APBB2: variants seen among roughly 807,000 people sequenced by gnomAD.
The protein encoded by APBB2 is amyloid beta precursor protein binding family B member 2, also known as Fe65-like 1.
Under a neutral mutation model 82.5 loss-of-function variants are expected in APBB2, and 38 were observed. The observed-to-expected ratio is 0.46, with a 90% confidence interval of 0.36 to 0.60. APBB2 has a LOEUF of 0.60. APBB2 is among the 20% of genes least tolerant of loss of function. The probability of loss-of-function intolerance (pLI) is 0.00; values close to 1 mark genes in which losing one functional copy is unlikely to be tolerated. For missense variants in APBB2, 772 were observed against 972.3 expected (o/e 0.79, Z 2.74); for synonymous variants, 341 against 368.2 (o/e 0.93, Z 0.85).
At chr4:40,852,010 T>C (rs1419408675) in intron 12 of APBB2, among the ~76,000 whole-genome samples, 2 of 152,076 alleles carry the variant, frequency 1.3e-5, no homozygotes, top group Non-Finnish European at 2.9e-5. Flanking sequence ...TTTATATTTA[T>C]GAGAGAGTAT....
At chr4:41,148,016 C>T (rs1056544372) in intron 1 of APBB2, among the ~76,000 whole-genome samples, 5 of 151,992 alleles carry the variant, frequency 3.3e-5, no homozygotes, top group African/African-American at 7.3e-5. Flanking sequence ...GATAAATTTA[C>T]AGGTTAAAAT....
chr4:41,170,898 AG>A lies in APBB2; in HGVS notation c.-416-27757del, dbSNP rs1287859833. Among the ~76,000 whole-genome samples the A allele has an allele frequency of 2.6e-5, 4 of 152,356 alleles. No homozygotes were observed. In the East Asian group the frequency reaches 7.7e-4, roughly 29 times the overall value. ...CAAAATGAAAAATTGAAAACTATAA[AG>A]AAGTTAAAATAAGGAAGGGTATGGA... On this transcript the variant is annotated intron_variant, in intron 1 of 17. Coordinates refer to ENST00000508593, the MANE Select transcript of APBB2 (RefSeq NM_004307.2).
intron 1 of APBB2, among the ~76,000 whole-genome samples, chr4:41,166,361 G>A (rs1439354859): frequency 2.6e-5 from 4 of 151,124 alleles, no homozygotes; most frequent in African/African-American, 4.9e-5. Flanking sequence ...GTATTCTATG[G>A]GCAAAAAAAT....
At chr4:41,043,983 T>C (rs1408786026) in intron 4 of APBB2, among the ~76,000 whole-genome samples, 1 of 152,202 alleles carries the variant, frequency 6.6e-6, no homozygotes, top group Non-Finnish European at 1.5e-5. Context: ...CAGATTGAAA[T>C]TCAGTCTGTG....
At chr4:40,971,340 T>C (rs891835624) in intron 6 of APBB2, among the ~76,000 whole-genome samples, 1 of 152,194 alleles carries the variant, frequency 6.6e-6, no homozygotes, top group Non-Finnish European at 1.5e-5. Flanking sequence ...AGTAATTTCC[T>C]CCATTACTTT....
At chr4:40,901,909 A>ATGTGTGTG (rs35766512) in intron 10 of APBB2, among the ~76,000 whole-genome samples, 45 of 145,436 alleles carry the variant, frequency 3.1e-4, no homozygotes, top group Middle Eastern at 6.6e-3. Context: ...ATCCAAAATT[A>ATGTGTGTG]TGTGTGTGTG....
intron 1 of APBB2, among the ~76,000 whole-genome samples, chr4:41,189,537 G>A (rs1236795474): frequency 2.0e-5 from 3 of 152,152 alleles, no homozygotes; most frequent in Non-Finnish European, 4.4e-5. Flanking sequence ...GCATTACAGT[G>A]ACAGTAAATC....
In APBB2 at chr4:41,013,764, AGGGCTGGACTGG is replaced by A. The variant is rs1383376204; in HGVS notation, c.642_653del (p.Gln215_Pro218del). 6.2e-7 allele frequency: 1 copy of A among 1,614,024 alleles called. No homozygotes were observed. The highest frequency in any genetic ancestry group is 8.5e-7 in the Non-Finnish European group (1 of 1,180,020). On this transcript the variant is annotated inframe_deletion, in exon 6 of 18. Coordinates refer to ENST00000508593, the MANE Select transcript of APBB2 (RefSeq NM_004307.2). ...ACACTGTGGCTACTTGGCCGTCTTC[AGGGCTGGACTGG>A]GGTCTGTTTGGTTTCTGCAGCAGCA... is the stretch of plus-strand genomic sequence containing the variant.
chr4:40,942,743 G>A (rs973866211), intron 7 of APBB2, among the ~76,000 whole-genome samples: 1 of 152,088 alleles, frequency 6.6e-6, no homozygotes, highest in African/African-American at 2.4e-5. Flanking sequence ...GGGGTACGAT[G>A]CAGGCACAGA....
intron 12 of APBB2, among the ~76,000 whole-genome samples, chr4:40,858,606 G>A (rs1578024458): frequency 1.3e-5 from 2 of 152,160 alleles, no homozygotes; most frequent in South Asian, 4.1e-4. Flanking sequence ...TTTAACTATA[G>A]GTCTTGTTTG....
intron 2 of APBB2, among the ~76,000 whole-genome samples, chr4:41,138,932 T>C (rs930059843): frequency 3.3e-5 from 5 of 152,212 alleles, no homozygotes; most frequent in Non-Finnish European, 7.4e-5. Context: ...TGCATTTCTA[T>C]ACACTAGCTA....
intron 2 of APBB2, among the ~76,000 whole-genome samples, chr4:41,124,556 A>G (rs918618931): frequency 4.6e-5 from 7 of 152,298 alleles, no homozygotes; most frequent in African/African-American, 1.4e-4. Context: ...CTCATGGGCC[A>G]TATAAAAAAA....
intron 1 of APBB2, among the ~76,000 whole-genome samples, chr4:41,164,340 T>C (rs1765945626): frequency 6.6e-6 from 1 of 152,188 alleles, no homozygotes; most frequent in African/African-American, 2.4e-5. Flanking sequence ...CCTTGTACAC[T>C]GAGATAAAAC....
chr4:40,903,455 A>C (rs992162732), intron 10 of APBB2, among the ~76,000 whole-genome samples: 5 of 152,238 alleles, frequency 3.3e-5, no homozygotes, highest in Non-Finnish European at 7.3e-5. Flanking sequence ...CAACAGAGTG[A>C]GACTCCGTCT....
At chr4:41,017,423 A>G (rs1050672452) in intron 5 of APBB2, among the ~76,000 whole-genome samples, 1 of 152,206 alleles carries the variant, frequency 6.6e-6, no homozygotes, top group Non-Finnish European at 1.5e-5. Context: ...AATCCTAGAA[A>G]GATCAAGGCT....
At chr4:40,922,979 CTT>C (rs5857757) in intron 10 of APBB2, among the ~76,000 whole-genome samples, 55 of 140,550 alleles carry the variant, frequency 3.9e-4, no homozygotes, top group Non-Finnish European at 5.1e-4. Context: ...CAATTTTTTT[CTT>C]TTTTTTTTTT....
At chr4:41,081,588 T>G (rs932730420) in intron 3 of APBB2, among the ~76,000 whole-genome samples, 1 of 152,200 alleles carries the variant, frequency 6.6e-6, no homozygotes, top group East Asian at 1.9e-4. Flanking sequence ...AATTGATACT[T>G]AGTTATATAA....
chr4:41,093,854 C>CAA (rs1234300448), intron 3 of APBB2, among the ~76,000 whole-genome samples: 7 of 104,686 alleles, frequency 6.7e-5, no homozygotes, highest in African/African-American at 1.4e-4. Flanking sequence ...AACTTCATCT[C>CAA]AAAAAAAAAA....
At chr4:40,864,853 CTTTTTTTTT>C (rs571511868) in intron 12 of APBB2, among the ~76,000 whole-genome samples, 2 of 125,266 alleles carry the variant, frequency 1.6e-5, no homozygotes. Context: ...ACGTTTGATT[CTTTTTTTTT>C]TTTTTTTTTT....
Sources: gnomAD v4.1 joint callset for allele counts (sites outside exome capture counted in the v4.1 genomes callset) on GRCh38, gnomAD v4.1.1 for gene constraint, MANE v1.5 for transcripts, NCBI Gene and HGNC (gene_info 2026-07-23, HGNC 2026-07-21) for gene names.